CCDC102B: variants seen among roughly 807,000 people sequenced by gnomAD.
CCDC102B encodes coiled-coil domain containing 102B, also known as coiled-coil domain-containing protein 102B.
Under a neutral mutation model 57.4 loss-of-function variants are expected in CCDC102B, and 75 were observed. The observed-to-expected ratio is 1.31, with a 90% confidence interval of 1.08 to 1.58. CCDC102B has a LOEUF of 1.58. Ranked by LOEUF, CCDC102B falls within the 40% of genes most tolerant of loss-of-function variation. The probability of loss-of-function intolerance (pLI) is 0.00; values close to 1 mark genes in which losing one functional copy is unlikely to be tolerated. For synonymous variants in CCDC102B, 206 were observed against 201.9 expected (o/e 1.02, Z -0.17); for missense variants, 636 against 582.6 (o/e 1.09, Z -0.94).
chr18:68,911,973 T>C lies in CCDC102B; in HGVS notation c.1263+14545T>C, dbSNP rs144486922. ...TAATATGAATTTAACCAATCCCATT[T>C]TGGTTTTGTAAAAGCTGTTACTGAA... is the stretch of plus-strand genomic sequence containing the variant. On this transcript the variant is annotated intron_variant, in intron 6 of 7. Coordinates refer to ENST00000360242, the MANE Select transcript of CCDC102B (RefSeq NM_024781.3). 2.3e-4 allele frequency among the ~76,000 whole-genome samples: 35 copies of C among 152,214 alleles called. 2 individuals are homozygous for C. In the South Asian group the frequency reaches 7.3e-3, roughly 32 times the overall value.
chr18:68,924,474 C>T (rs962788464), intron 6 of CCDC102B, among the ~76,000 whole-genome samples: 1 of 152,080 alleles, frequency 6.6e-6, no homozygotes, highest in Admixed American at 6.6e-5. Context: ...GAGGTCTCCC[C>T]AGCTATGCTG....
intron 6 of CCDC102B, among the ~76,000 whole-genome samples, chr18:68,994,612 CA>C (rs1555668052): frequency 6.6e-6 from 1 of 151,940 alleles, no homozygotes; most frequent in Non-Finnish European, 1.5e-5. Context: ...AGTGAGTTCT[CA>C]CAAGATCTGA....
intron 3 of CCDC102B, among the ~76,000 whole-genome samples, chr18:68,843,532 T>TA (rs2037727926): frequency 6.6e-6 from 1 of 152,104 alleles, no homozygotes; most frequent in Admixed American, 6.6e-5. Flanking sequence ...TGCATAGAAA[T>TA]AAAATCACAT....
At chr18:68,765,381 AGAAAG>A (rs1416026119) in intron 2 of CCDC102B, among the ~76,000 whole-genome samples, 21 of 138,512 alleles carry the variant, frequency 1.5e-4, no homozygotes, top group Admixed American at 9.1e-4. Flanking sequence ...AAGAAAGAAA[AGAAAG>A]AAAGAAAAGA....
chr18:68,852,022 C>T (rs1346504654), intron 4 of CCDC102B, among the ~76,000 whole-genome samples: 1 of 152,166 alleles, frequency 6.6e-6, no homozygotes, highest in Non-Finnish European at 1.5e-5. Flanking sequence ...AGACCCTCCT[C>T]TTATTAAACA....
At chr18:68,858,552 T>A (rs1363151835) in intron 4 of CCDC102B, among the ~76,000 whole-genome samples, 2 of 152,180 alleles carry the variant, frequency 1.3e-5, no homozygotes, top group Non-Finnish European at 2.9e-5. Context: ...TCCTACCATC[T>A]GTCCATTGGC....
At chr18:68,946,429 T>C (rs1234292799) in intron 6 of CCDC102B, among the ~76,000 whole-genome samples, 1 of 152,042 alleles carries the variant, frequency 6.6e-6, no homozygotes, top group Non-Finnish European at 1.5e-5. Flanking sequence ...CTTAAATATA[T>C]TTAACAGAAC....
At chr18:68,898,971 TG>T (rs2040339463) in intron 6 of CCDC102B, among the ~76,000 whole-genome samples, 2 of 152,206 alleles carry the variant, frequency 1.3e-5, no homozygotes, top group South Asian at 2.1e-4. Context: ...AGTCCAGACC[TG>T]GTCTCTTTGA....
In CCDC102B at chr18:68,855,124, A is replaced by G. The variant is rs150806591; in HGVS notation, c.936+8703A>G. On this transcript the variant is annotated intron_variant, in intron 4 of 7. Coordinates refer to ENST00000360242, the MANE Select transcript of CCDC102B (RefSeq NM_024781.3). ...TATAAGAAACAGTGTTTCCAAGAGTAATTTATTTGCATAAAAAGTAAGCAG... is the reference window on the plus strand; with the variant it reads ...TATAAGAAACAGTGTTTCCAAGAGTGATTTATTTGCATAAAAAGTAAGCAG... Among the ~76,000 whole-genome samples, 795 of 152,282 alleles carry G rather than the reference A, an allele frequency of 5.2e-3. 6 individuals are homozygous for G. Among genetic ancestry groups the G allele is most frequent in the African/African-American group, 0.018 (760 of 41,566 alleles).
At chr18:68,832,243 CTTTCTGCCCCA>C (rs1376089684) in intron 1 of CCDC102B, among the ~76,000 whole-genome samples, 1 of 152,166 alleles carries the variant, frequency 6.6e-6, no homozygotes, top group African/African-American at 2.4e-5. Flanking sequence ...AAATGCTTTT[CTTTCTGCCCCA>C]TTTCATTTTT....
intron 2 of CCDC102B, among the ~76,000 whole-genome samples, chr18:68,731,051 A>G (rs1432159979): frequency 2.0e-5 from 3 of 152,092 alleles, no homozygotes; most frequent in Admixed American, 2.0e-4. Context: ...CAATGGCGCG[A>G]TCTTGGCTCG....
intron 6 of CCDC102B, among the ~76,000 whole-genome samples, chr18:68,937,840 G>A (rs1478843936): frequency 1.3e-5 from 2 of 151,390 alleles, no homozygotes; most frequent in South Asian, 2.1e-4. Flanking sequence ...TCCCACTTAC[G>A]AGTGAGAGCA....
intron 6 of CCDC102B, among the ~76,000 whole-genome samples, chr18:68,924,109 T>G (rs543425799): frequency 6.9e-6 from 1 of 145,096 alleles, no homozygotes; most frequent in African/African-American, 2.5e-5. Context: ...TCTCTGCGTC[T>G]CAGCCCCCTT....
chr18:68,777,207 C>T (rs959453067), intron 2 of CCDC102B, among the ~76,000 whole-genome samples: 1 of 152,174 alleles, frequency 6.6e-6, no homozygotes, highest in Admixed American at 6.5e-5. Context: ...CTCCCTTCAA[C>T]ACTCAATACA....
intron 5 of CCDC102B, among the ~76,000 whole-genome samples, chr18:68,879,611 G>C (rs2039599627): frequency 6.6e-6 from 1 of 152,016 alleles, no homozygotes; most frequent in African/African-American, 2.4e-5. Flanking sequence ...ACAGAGTGTT[G>C]ATTGGTGCAT....
At chr18:68,849,244 A>G (rs983658857) in intron 4 of CCDC102B, among the ~76,000 whole-genome samples, 1 of 152,120 alleles carries the variant, frequency 6.6e-6, no homozygotes, top group Non-Finnish European at 1.5e-5. Context: ...TATGGCATAT[A>G]GGAGCTATTC....
At chr18:68,976,673 G>A (rs749218635) in intron 6 of CCDC102B, among the ~76,000 whole-genome samples, 1 of 151,788 alleles carries the variant, frequency 6.6e-6, no homozygotes, top group Admixed American at 6.6e-5. Flanking sequence ...ATGATTTTGG[G>A]TTTCTGCCTT....
At position 69,028,885 on chromosome 18, in the gene CCDC102B, TA is replaced by T. The variant is rs568080593; in HGVS notation, c.1434+17791del. Reference sequence around the variant, plus strand: ...TTCCTTCATGTGTACAGCTCTTTTTTAAAAAAAAAACTAGAATTTCCTTTCT... The same window carrying T: ...TTCCTTCATGTGTACAGCTCTTTTTTAAAAAAAAACTAGAATTTCCTTTCT... On this transcript the variant is annotated intron_variant, in intron 7 of 7. Transcript: ENST00000360242. 6.1e-3 allele frequency among the ~76,000 whole-genome samples: 914 copies of T among 149,376 alleles called. 10 individuals are homozygous for T. The highest frequency in any genetic ancestry group is 0.036 in the South Asian group (171 of 4,752).
intron 1 of CCDC102B, among the ~76,000 whole-genome samples, chr18:68,800,393 G>A (rs2035802931): frequency 6.6e-6 from 1 of 152,076 alleles, no homozygotes. Context: ...AAATCCAGAC[G>A]AATTACTGTT....
Sources: gnomAD v4.1 joint callset for allele counts (sites outside exome capture counted in the v4.1 genomes callset) on GRCh38, gnomAD v4.1.1 for gene constraint, MANE v1.5 for transcripts, NCBI Gene and HGNC (gene_info 2026-07-23, HGNC 2026-07-21) for gene names.